KSR2: variants seen among roughly 807,000 people sequenced by gnomAD.
KSR2 encodes kinase suppressor of ras 2.
A neutral mutation model predicts 107.8 loss-of-function variants in KSR2; 25 were observed. The observed-to-expected ratio is 0.23, with a 90% CI of 0.17 to 0.32. The LOEUF (loss-of-function observed/expected upper bound fraction) is 0.32, where lower values mean the gene tolerates loss of function less well. Among genes scored for constraint, KSR2 ranks in the 10% least tolerant of loss-of-function variants. KSR2 has a pLI of 1.00. For missense variants in KSR2, 887 were observed against 1,268.9 expected (o/e 0.70, Z 4.57); for synonymous variants, 480 against 507.0 (o/e 0.95, Z 0.71).
intron 1 of KSR2, among the ~76,000 whole-genome samples, chr12:117,913,084 C>T (rs1174116590): frequency 6.6e-6 from 1 of 152,208 alleles, no homozygotes. Flanking sequence ...ACCGTGACAT[C>T]TCCGACTAGA....
chr12:117,586,048 G>A (rs1879970708), intron 5 of KSR2, among the ~76,000 whole-genome samples: 1 of 152,176 alleles, frequency 6.6e-6, no homozygotes, highest in Non-Finnish European at 1.5e-5. Flanking sequence ...CCTGGTCTTT[G>A]GAATCACCTT....
intron 4 of KSR2, among the ~76,000 whole-genome samples, chr12:117,750,518 T>C (rs1352621824): frequency 6.6e-6 from 1 of 152,142 alleles, no homozygotes; most frequent in South Asian, 2.1e-4. Flanking sequence ...CAACTTTCAT[T>C]TTAGGTTCAG....
At chr12:117,529,350 C>T (rs1054578170) in intron 12 of KSR2, among the ~76,000 whole-genome samples, 2 of 152,080 alleles carry the variant, frequency 1.3e-5, no homozygotes, top group Non-Finnish European at 2.9e-5. Context: ...CAAGTAGCTG[C>T]GATTACAGTT....
chr12:117,531,574 C>A, intron 11 of KSR2, 92 bp downstream of exon 11: 2 of 1,088,844 alleles, frequency 1.8e-6, no homozygotes, highest in South Asian at 2.7e-5. Flanking sequence ...CTTAGGCACC[C>A]CCACAACATC....
At chr12:117,491,114 C>T (rs1872722224) in intron 14 of KSR2, among the ~76,000 whole-genome samples, 1 of 152,174 alleles carries the variant, frequency 6.6e-6, no homozygotes, top group South Asian at 2.1e-4. Context: ...CACCATTCTA[C>T]TCAATTTCTA....
At chr12:117,623,109 C>G (rs556465494) in intron 5 of KSR2, among the ~76,000 whole-genome samples, 1 of 152,374 alleles carries the variant, frequency 6.6e-6, no homozygotes, top group East Asian at 1.9e-4. Context: ...CTTTAAATTT[C>G]ATAATGCAAA....
intron 1 of KSR2, among the ~76,000 whole-genome samples, chr12:117,861,378 C>CTTTTTTTT (rs5801257): frequency 3.7e-5 from 3 of 81,682 alleles, no homozygotes; most frequent in Admixed American, 1.5e-4. Context: ...TCCCAATTCG[C>CTTTTTTTT]TTTTTTTTTT....
intron 5 of KSR2, 74 bp from the exon 6 acceptor site, chr12:117,582,433 A>G (rs1879724810): frequency 8.9e-7 from 1 of 1,124,906 alleles, no homozygotes; most frequent in South Asian, 1.3e-5. Context: ...GCCTGGAAGG[A>G]AAAGGGGGGC....
Position 117,464,556 on chromosome 12 carries a change from C to G in KSR2, c.*2643G>C, listed in dbSNP as rs140745747. On this transcript the variant is annotated 3_prime_UTR_variant, in exon 20 of 20. Transcript: ENST00000339824. ...CCTCATCAGCGAATAAAGATGGAAGCCAGCAGGGAAAGCAGCGGTTTGGTT... is the reference window on the plus strand; with the variant it reads ...CCTCATCAGCGAATAAAGATGGAAGGCAGCAGGGAAAGCAGCGGTTTGGTT... The G allele has an allele frequency of 4.6e-5, 7 of 152,266 alleles. No individual in the cohort carries two copies. Among genetic ancestry groups the G allele is most frequent in the Admixed American group, 4.6e-4 (7 of 15,296 alleles). The allele number at this position is 152,266 out of a possible 1,614,324, so 9.4% of individuals were successfully genotyped here. A position where few individuals can be genotyped will look rare whatever the true frequency, so the allele number is the denominator to read the frequency against.
chr12:117,828,486 T>C (rs553305652), intron 3 of KSR2, among the ~76,000 whole-genome samples: 11 of 152,354 alleles, frequency 7.2e-5, no homozygotes, highest in Admixed American at 5.2e-4. Flanking sequence ...GTATTTGCTT[T>C]ATGTATTATA....
At chr12:117,674,303 C>T (rs758204394) in intron 4 of KSR2, 32 of 508,856 alleles carry the variant, frequency 6.3e-5, no homozygotes, top group African/African-American at 3.9e-4. Context: ...GCTGCCTCCT[C>T]GCTGGAATCG....
intron 9 of KSR2, among the ~76,000 whole-genome samples, chr12:117,554,204 C>T (rs1035418061): frequency 1.3e-5 from 2 of 152,130 alleles, no homozygotes; most frequent in African/African-American, 2.4e-5. Flanking sequence ...ACAGCCCCAT[C>T]AGCAGACCAA....
At chr12:117,854,590 G>A (rs1041995551) in intron 3 of KSR2, among the ~76,000 whole-genome samples, 1 of 152,176 alleles carries the variant, frequency 6.6e-6, no homozygotes, top group Admixed American at 6.5e-5. Flanking sequence ...ATGCTCAACA[G>A]TGACACCTTG....
intron 5 of KSR2, among the ~76,000 whole-genome samples, chr12:117,664,820 TAACATGGGA>T (rs1029777399): frequency 6.6e-6 from 1 of 152,088 alleles, no homozygotes; most frequent in Non-Finnish European, 1.5e-5. Flanking sequence ...TCTTGATCTG[TAACATGGGA>T]ATTCTAGCAC....
chr12:117,717,302 C>A (rs1272198154), intron 4 of KSR2, among the ~76,000 whole-genome samples: 2 of 152,192 alleles, frequency 1.3e-5, no homozygotes, highest in Admixed American at 1.3e-4. Flanking sequence ...AGGAGGATTG[C>A]TTGAGCTCAG....
intron 5 of KSR2, among the ~76,000 whole-genome samples, chr12:117,599,795 A>G (rs951089567): frequency 1.3e-5 from 2 of 152,338 alleles, no homozygotes; most frequent in African/African-American, 4.8e-5. Flanking sequence ...GAAGACTCCA[A>G]TATCTTAAAG....
intron 4 of KSR2, among the ~76,000 whole-genome samples, chr12:117,757,276 C>T (rs1051229197): frequency 6.6e-6 from 1 of 151,990 alleles, no homozygotes; most frequent in Non-Finnish European, 1.5e-5. Context: ...AAAAGTGGAG[C>T]CTGAAGATAT....
At position 117,748,667 on chromosome 12, in the gene KSR2, T is replaced by C. The variant is rs192429602; in HGVS notation, c.986+12344A>G. On this transcript the variant is annotated intron_variant, in intron 4 of 19. Transcript: ENST00000339824. ...TTCCATAAGTGACAGCTATCATGTATATTCTAATAACAAATTAATCAAGAA... is the reference window on the plus strand; with the variant it reads ...TTCCATAAGTGACAGCTATCATGTACATTCTAATAACAAATTAATCAAGAA... Among the ~76,000 whole-genome samples, 333 of 152,340 alleles carry C rather than the reference T, an allele frequency of 2.2e-3. 1 individual carries two copies. Among genetic ancestry groups the C allele is most frequent in the African/African-American group, 7.4e-3 (308 of 41,586 alleles).
intron 7 of KSR2, among the ~76,000 whole-genome samples, chr12:117,570,058 A>C (rs1429583680): frequency 1.3e-5 from 2 of 150,572 alleles, no homozygotes; most frequent in Admixed American, 1.3e-4. Flanking sequence ...GCTGGAGTGC[A>C]GTGGCGTGAT....
Sources: gnomAD v4.1 joint callset for allele counts (sites outside exome capture counted in the v4.1 genomes callset) on GRCh38, gnomAD v4.1.1 for gene constraint, MANE v1.5 for transcripts, NCBI Gene and HGNC (gene_info 2026-07-23, HGNC 2026-07-21) for gene names.